Variants in WBP1L observed in about 807,000 individuals in gnomAD.
WBP1L encodes WW domain binding protein 1-like.
Under a neutral mutation model 33.7 loss-of-function variants are expected in WBP1L, and 17 were observed. The ratio of observed to expected loss-of-function variants is 0.50; its 90% CI spans 0.34 to 0.76. The LOEUF is 0.76. Ranked by LOEUF, WBP1L falls within the 30% of genes least tolerant of loss-of-function variation. The pLI, the probability that WBP1L is intolerant of heterozygous loss-of-function variation, is 0.01. For synonymous variants in WBP1L, 173 were observed against 190.8 expected (o/e 0.91, Z 0.77); for missense variants, 389 against 469.4 (o/e 0.83, Z 1.58).
intron 1 of WBP1L, among the ~76,000 whole-genome samples, chr10:102,788,621 C>A (rs1312011216): frequency 6.6e-6 from 1 of 152,144 alleles, no homozygotes; most frequent in Non-Finnish European, 1.5e-5. Flanking sequence ...CAAATGTCTG[C>A]TTTATGAAAA....
At chr10:102,777,845 G>A (rs770382849) in intron 1 of WBP1L, among the ~76,000 whole-genome samples, 18 of 152,072 alleles carry the variant, frequency 1.2e-4, no homozygotes, top group African/African-American at 2.4e-4. Flanking sequence ...GATTACAGGC[G>A]TGAGCCACTG....
chr10:102,788,970 T>G (rs1340772043), intron 1 of WBP1L, among the ~76,000 whole-genome samples: 1 of 152,160 alleles, frequency 6.6e-6, no homozygotes, highest in African/African-American at 2.4e-5. Context: ...TATTATTTAT[T>G]TTTTACTGAG....
At chr10:102,766,739 G>A (rs1008565105) in intron 1 of WBP1L, among the ~76,000 whole-genome samples, 2 of 152,004 alleles carry the variant, frequency 1.3e-5, no homozygotes, top group African/African-American at 4.8e-5. Flanking sequence ...AGGCTGAGCA[G>A]GAGAATTGCT....
chr10:102,750,401 A>G (rs10883771), intron 1 of WBP1L, among the ~76,000 whole-genome samples: 31,482 of 151,808 alleles, frequency 0.21, 3,368 homozygotes, highest in Middle Eastern at 0.31. Context: ...TCTCAAAAAA[A>G]GAAAAAAAAA....
chr10:102,812,940 A>G lies in WBP1L; in HGVS notation c.701A>G (p.Asp234Gly), dbSNP rs376368450. The change falls in exon 4 of 4, where the codon GAC becomes GGC. Residue 234 changes from aspartate (D) to glycine (G), a missense_variant. Asp to Gly is a moderately conservative substitution (Grantham distance 94). Transcript: ENST00000448841. ...GAGCTGGACCCGGGGGCCTTCCTGG[A>G]CAAAGATGCAGAATGTAGGGAGGAG... ...LGELDPGAFL[D>G]KDAECREELL... The G allele has an allele frequency of 6.3e-6, 10 of 1,599,552 alleles. No homozygotes were observed. In the East Asian group the frequency reaches 1.6e-4, roughly 25 times the overall value.
At chr10:102,770,450 C>G (rs1843172980) in intron 1 of WBP1L, among the ~76,000 whole-genome samples, 1 of 152,216 alleles carries the variant, frequency 6.6e-6, no homozygotes, top group Admixed American at 6.5e-5. Flanking sequence ...CTGACAAACT[C>G]TCTTTCTTCA....
At chr10:102,754,070 C>A (rs1269130169) in intron 1 of WBP1L, among the ~76,000 whole-genome samples, 2 of 152,168 alleles carry the variant, frequency 1.3e-5, no homozygotes, top group East Asian at 3.8e-4. Context: ...AGGGAAAAAA[C>A]CACAGCTTAG....
At chr10:102,804,151 G>A (rs1444469502) in intron 2 of WBP1L, 1 of 152,100 alleles carries the variant, frequency 6.6e-6, no homozygotes, top group African/African-American at 2.4e-5. Flanking sequence ...CACTTTGGGA[G>A]GCTGAGGTGG....
chr10:102,748,882 G>T (rs1286189381), intron 1 of WBP1L, among the ~76,000 whole-genome samples: 1 of 152,244 alleles, frequency 6.6e-6, no homozygotes, highest in African/African-American at 2.4e-5. Context: ...GACTTTAAAG[G>T]TTGATAAGCA....
At chr10:102,803,565 G>C (rs1843687635) in intron 2 of WBP1L, among the ~76,000 whole-genome samples, 1 of 151,834 alleles carries the variant, frequency 6.6e-6, no homozygotes, top group Non-Finnish European at 1.5e-5. Context: ...GGGGAAAGGA[G>C]GGTCATATTT....
intron 1 of WBP1L, among the ~76,000 whole-genome samples, chr10:102,759,204 G>C (rs1284540384): frequency 6.6e-6 from 1 of 152,158 alleles, no homozygotes; most frequent in Non-Finnish European, 1.5e-5. Context: ...AGACACTGGC[G>C]TTACCGCTTG....
At chr10:102,756,218 C>T (rs1400803439) in intron 1 of WBP1L, among the ~76,000 whole-genome samples, 1 of 152,128 alleles carries the variant, frequency 6.6e-6, no homozygotes, top group Non-Finnish European at 1.5e-5. Flanking sequence ...CGAGACCAGC[C>T]TGGCCAACAT....
At chr10:102,799,472 G>T (rs1564767524) in intron 2 of WBP1L, among the ~76,000 whole-genome samples, 1 of 152,186 alleles carries the variant, frequency 6.6e-6, no homozygotes, top group Admixed American at 6.5e-5. Context: ...TGCTTCAACT[G>T]ACACTCTTTG....
chr10:102,767,096 C>G (rs943857581), intron 1 of WBP1L, among the ~76,000 whole-genome samples: 1 of 152,172 alleles, frequency 6.6e-6, no homozygotes, highest in African/African-American at 2.4e-5. Context: ...ACAAACAAGG[C>G]TACTTTGTAC....
At chr10:102,755,390 A>G (rs773202886) in intron 1 of WBP1L, among the ~76,000 whole-genome samples, 106 of 151,484 alleles carry the variant, frequency 7.0e-4, no homozygotes, top group Non-Finnish European at 1.1e-3. Flanking sequence ...CTGAGTAGCT[A>G]GGACTATTAC....
Position 102,814,596 on chromosome 10 carries a change from C to CA in WBP1L, c.*1266dup, listed in dbSNP as rs1342229977. The CA allele has an allele frequency of 6.6e-6, 1 of 152,068 alleles. No homozygotes were observed. The highest frequency in any genetic ancestry group is 1.5e-5 in the Non-Finnish European group (1 of 67,930). 9.4% of individuals were successfully genotyped at this position (152,068 alleles called of 1,614,324 possible). A position where few individuals can be genotyped will look rare whatever the true frequency, so the allele number is the denominator to read the frequency against. ...CATGCCTTGTCCCTGCCTCTACCCC[C>CA]ACCCCTTTTGAGTCGGGTGACTCAT... On this transcript the variant is annotated 3_prime_UTR_variant, in exon 4 of 4. Coordinates refer to ENST00000448841, the MANE Select transcript of WBP1L (RefSeq NM_001083913.2).
In WBP1L at chr10:102,813,225, G is replaced by C. The variant is rs990668395; in HGVS notation, c.986G>C (p.Arg329Pro). ...TGTCAGTCCTCTGAGGAGCAGGCTC[G>C]AGAGCCTGGGCACCCGCACCTGCCA... ...GLCQSSEEQA[R>P]EPGHPHLPRP... The change falls in exon 4 of 4, where the codon CGA (arginine) becomes CCA (proline). Residue 329 changes from arginine (R) to proline (P), a missense_variant. Transcript: ENST00000448841. 1 of 1,612,668 alleles carries C rather than the reference G, an allele frequency of 6.2e-7. No homozygotes were observed. The highest frequency in any genetic ancestry group is 1.1e-5 in the South Asian group (1 of 91,074).
intron 1 of WBP1L, among the ~76,000 whole-genome samples, chr10:102,778,164 A>G (rs1590177944): frequency 6.6e-6 from 1 of 152,230 alleles, no homozygotes; most frequent in East Asian, 1.9e-4. Flanking sequence ...TAGAGAGTAG[A>G]CATAACTCTT....
chr10:102,761,842 C>T (rs1590169922), intron 1 of WBP1L, among the ~76,000 whole-genome samples: 1 of 151,392 alleles, frequency 6.6e-6, no homozygotes, highest in East Asian at 2.0e-4. Flanking sequence ...AGCCACTGTG[C>T]CAGGCCTTTA....
Sources: allele counts gnomAD v4.1 joint callset (sites outside exome capture counted in the v4.1 genomes callset), GRCh38; gene constraint gnomAD v4.1.1; transcripts MANE v1.5; gene names NCBI Gene and HGNC (gene_info 2026-07-23, HGNC 2026-07-21).